SNORC: variants seen among roughly 807,000 people sequenced by gnomAD.
SNORC encodes protein SNORC.
A neutral mutation model predicts 9.7 loss-of-function variants in SNORC; 11 were observed. The observed-to-expected ratio is 1.14, with a 90% CI of 0.72 to 1.88. The LOEUF is 1.88. Ranked by LOEUF, SNORC falls within the 40% of genes most tolerant of loss-of-function variation. The pLI is 0.00. For synonymous variants in SNORC, 108 were observed against 88.7 expected (o/e 1.22, Z -1.22); for missense variants, 197 against 173.1 (o/e 1.14, Z -0.77).
At chr2:232,876,626 A>G (rs1390332014), downstream of SNORC, 2 of 1,051,006 alleles carry the variant, frequency 1.9e-6, no homozygotes, top group Non-Finnish European at 2.3e-6. This position sits in a 1 kb window ranked among gnomAD's most constrained non-coding sequence, Gnocchi z 6.8. Flanking sequence ...CGTGCACCTG[A>G]GCGCGCGCAG....
chr2:232,873,440 C>T (rs1336217404), intron 1 of SNORC, among the ~76,000 whole-genome samples: 1 of 152,112 alleles, frequency 6.6e-6, no homozygotes, highest in Admixed American at 6.5e-5. Flanking sequence ...GGTGGCAGCT[C>T]ACCCCTGCTG....
chr2:232,875,994 C>G (rs1281526777), exon 2 of SNORC: 1 of 1,554,848 alleles, frequency 6.4e-7, no homozygotes, highest in Non-Finnish European at 8.7e-7. Flanking sequence ...GCCGAGCTGC[C>G]GTCGGGAGAA....
chr2:232,876,675 G>A, downstream of SNORC: 1 of 1,003,000 alleles, frequency 1.0e-6, no homozygotes, highest in Non-Finnish European at 1.2e-6. The surrounding 1 kb of genome is among the most constrained non-coding windows in gnomAD (Gnocchi z 6.8). Context: ...CACGGCTGGA[G>A]TGCCTCAGGA....
chr2:232,867,642 C>T (rs1690903877), upstream of SNORC, among the ~76,000 whole-genome samples: 1 of 152,214 alleles, frequency 6.6e-6, no homozygotes, highest in Admixed American at 6.5e-5. Flanking sequence ...AGCTTGCAGC[C>T]TTGGCTCACG....
rs148455003 is a variant in SNORC at position 232,871,381 on chromosome 2, C to T, written c.73+967C>T. ...AAGAAGCTTGAGGCCAGGGTGTGCT[C>T]AGTCTTGACCGGGCGGTTTCTTAAC... On this transcript the variant is annotated intron_variant, in intron 1 of 2. Transcript: ENST00000331342. 1.2e-4 allele frequency among the ~76,000 whole-genome samples: 18 copies of T among 152,318 alleles called. No individual in the cohort carries two copies. In the East Asian group the frequency reaches 3.5e-3, roughly 29 times the overall value.
At chr2:232,876,617 G>A (rs1691261437), downstream of SNORC, 1 of 1,068,890 alleles carries the variant, frequency 9.4e-7, no homozygotes, top group Non-Finnish European at 1.1e-6. This position sits in a 1 kb window ranked among gnomAD's most constrained non-coding sequence, Gnocchi z 6.8. Flanking sequence ...TGCGTGTGGC[G>A]TGCACCTGAG....
downstream of SNORC, chr2:232,876,471 C>T: frequency 7.4e-7 from 1 of 1,356,778 alleles, no homozygotes. The surrounding 1 kb of genome is among the most constrained non-coding windows in gnomAD (Gnocchi z 6.8). Flanking sequence ...TGAGCGCGCG[C>T]AGGCGAGCGC....
intron 1 of SNORC, among the ~76,000 whole-genome samples, chr2:232,872,927 A>G (rs1691084863): frequency 6.6e-6 from 1 of 152,166 alleles, no homozygotes; most frequent in Non-Finnish European, 1.5e-5. Context: ...GGCTGAGTGC[A>G]GGCTGTCATT....
downstream of SNORC, chr2:232,876,702 T>C (rs1691265562): frequency 5.1e-6 from 5 of 989,546 alleles, no homozygotes; most frequent in Non-Finnish European, 6.0e-6. This position sits in a 1 kb window ranked among gnomAD's most constrained non-coding sequence, Gnocchi z 6.8. Flanking sequence ...CGCATGTGCG[T>C]GCCCGGTGCG....
At chr2:232,872,898 C>T (rs1691083823) in intron 1 of SNORC, among the ~76,000 whole-genome samples, 1 of 152,248 alleles carries the variant, frequency 6.6e-6, no homozygotes, top group African/African-American at 2.4e-5. Flanking sequence ...AGCGGCACCC[C>T]TTTTCCTGGT....
At chr2:232,867,154 A>T (rs1690894200), upstream of SNORC, among the ~76,000 whole-genome samples, 1 of 152,194 alleles carries the variant, frequency 6.6e-6, no homozygotes, top group African/African-American at 2.4e-5. Context: ...ATGAGCCATA[A>T]ATTGGGTTTA....
upstream of SNORC, among the ~76,000 whole-genome samples, chr2:232,867,674 A>G (rs1020588472): frequency 2.6e-5 from 4 of 152,310 alleles, no homozygotes; most frequent in African/African-American, 9.6e-5. Context: ...CTGCCTCCCC[A>G]GGGTGGGTTC....
At chr2:232,869,424 G>A (rs1189529089), upstream of SNORC, among the ~76,000 whole-genome samples, 1 of 152,192 alleles carries the variant, frequency 6.6e-6, no homozygotes, top group Admixed American at 6.5e-5. Flanking sequence ...AACTCTGAGG[G>A]CTCAGACGTG....
downstream of SNORC, chr2:232,876,671 T>A (rs1434791688): frequency 1.0e-6 from 1 of 1,004,016 alleles, no homozygotes; most frequent in Non-Finnish European, 1.2e-6. This position sits in a 1 kb window ranked among gnomAD's most constrained non-coding sequence, Gnocchi z 6.8. Context: ...GCACCACGGC[T>A]GGAGTGCCTC....
chr2:232,873,337 G>A (rs1229112205), intron 1 of SNORC, among the ~76,000 whole-genome samples: 1 of 152,150 alleles, frequency 6.6e-6, no homozygotes, highest in African/African-American at 2.4e-5. Flanking sequence ...GTCTGGTGGT[G>A]GGCGCAGCAG....
At position 232,876,326 on chromosome 2, in the gene SNORC, C is replaced by A; in HGVS notation, c.336C>A (p.Val112=). Residue 112 remains valine, a synonymous_variant, in exon 3 of 3, where the codon GTC becomes GTA. Transcript: ENST00000331342. The surrounding 1 kb of genome is among the most constrained non-coding windows in gnomAD (Gnocchi z 6.8). The stretch of plus-strand genomic sequence containing the variant: ...CCTGCGTGGTGCTGGCGCTCGTGGT[C>A]GTCGCGCTGAGAAAGTTTTCTGCCT... 1 of 1,546,200 alleles carries A rather than the reference C, an allele frequency of 6.5e-7. No homozygotes were observed.
At chr2:232,876,966 C>CG (rs1446812335), downstream of SNORC, 1 of 985,426 alleles carries the variant, frequency 1.0e-6, no homozygotes, top group East Asian at 1.1e-4. The surrounding 1 kb of genome is among the most constrained non-coding windows in gnomAD (Gnocchi z 6.8). Context: ...CCCCGGGGCC[C>CG]GCCGCTCCTT....
intron 1 of SNORC, among the ~76,000 whole-genome samples, chr2:232,872,676 G>A (rs567961786): frequency 2.1e-4 from 32 of 152,218 alleles, no homozygotes; most frequent in African/African-American, 7.7e-4. Flanking sequence ...CGCCTGGCAC[G>A]CCGTGAGTTC....
At chr2:232,874,937 C>A (rs1290017513) in intron 1 of SNORC, among the ~76,000 whole-genome samples, 2 of 152,224 alleles carry the variant, frequency 1.3e-5, no homozygotes, top group African/African-American at 4.8e-5. Flanking sequence ...TCCCACACCA[C>A]AGAGTAGCTG....
Sources: gnomAD v4.1 joint callset for allele counts (sites outside exome capture counted in the v4.1 genomes callset) on GRCh38, gnomAD v4.1.1 for gene constraint, Gnocchi (gnomAD v3.1) non-coding constraint, MANE v1.5 for transcripts, NCBI Gene and HGNC (gene_info 2026-07-23, HGNC 2026-07-21) for gene names.